Variants in TAFA5 observed in about 807,000 individuals in gnomAD.
TAFA5 encodes the protein chemokine-like protein TAFA-5.
In TAFA5, 6 loss-of-function variants were observed where a neutral mutation model predicts 15.3. That is an observed-to-expected ratio of 0.39 (90% CI 0.21 to 0.77). TAFA5 has a LOEUF of 0.77. TAFA5 is among the 30% of genes least tolerant of loss of function. The pLI is 0.41. For synonymous variants in TAFA5, 103 were observed against 80.7 expected, an observed-to-expected ratio of 1.28 and a Z score of -1.48; for missense variants, 161 against 193.1, an observed-to-expected ratio of 0.83 and a Z score of 0.98.
chr22:48,703,639 C>T (rs9617422), intron 2 of TAFA5, among the ~76,000 whole-genome samples: 22,065 of 152,290 alleles, frequency 0.14, 2,119 homozygotes, highest in African/African-American at 0.27. Flanking sequence ...GCGCCGTATC[C>T]ACCCTCAGCG....
At chr22:48,726,187 A>G (rs1296414162) in intron 3 of TAFA5, among the ~76,000 whole-genome samples, 3 of 152,202 alleles carry the variant, frequency 2.0e-5, no homozygotes, top group Non-Finnish European at 4.4e-5. Context: ...TCTCATTTCT[A>G]TTTGTTTTGT....
At chr22:48,542,294 GTGAT>G (rs903123077) in intron 1 of TAFA5, among the ~76,000 whole-genome samples, 1 of 94,228 alleles carries the variant, frequency 1.1e-5, no homozygotes, top group Non-Finnish European at 2.9e-5. Context: ...GTGTGCATGT[GTGAT>G]GTGTGTGTAG....
At chr22:48,700,456 A>G (rs78934744) in intron 2 of TAFA5, among the ~76,000 whole-genome samples, 6,880 of 152,202 alleles carry the variant, frequency 0.045, 454 homozygotes, top group African/African-American at 0.14. Flanking sequence ...GAGATCCTGA[A>G]AAAGAACGGT....
chr22:48,669,072 C>A (rs984242910), intron 2 of TAFA5, among the ~76,000 whole-genome samples: 1 of 152,218 alleles, frequency 6.6e-6, no homozygotes, highest in African/African-American at 2.4e-5. Flanking sequence ...AGACCCTCCC[C>A]ACTTCCCCGA....
At chr22:48,580,211 G>T (rs1399380379) in intron 1 of TAFA5, among the ~76,000 whole-genome samples, 3 of 152,192 alleles carry the variant, frequency 2.0e-5, no homozygotes, top group African/African-American at 7.2e-5. Context: ...TTTCGGAAAT[G>T]AGGCGTCCTC....
At position 48,561,695 on chromosome 22, in the gene TAFA5, G is replaced by A. The variant is rs76126388; in HGVS notation, c.112+71991G>A. On this transcript the variant is annotated intron_variant, in intron 1 of 3. Coordinates refer to ENST00000402357, the MANE Select transcript of TAFA5 (RefSeq NM_001082967.3). Reference sequence around the variant, plus strand: ...CTGGAGATCCGCGATGCCCATTGGGGGTCATGGGCCACTGGCACAAACAAT... The same window carrying A: ...CTGGAGATCCGCGATGCCCATTGGGAGTCATGGGCCACTGGCACAAACAAT... 7.4e-3 allele frequency among the ~76,000 whole-genome samples: 1,131 copies of A among 152,302 alleles called. 16 individuals are homozygous for A. Among genetic ancestry groups the A allele is most frequent in the African/African-American group, 0.026 (1,082 of 41,564 alleles).
At chr22:48,535,841 ACAT>A (rs1922139343) in intron 1 of TAFA5, among the ~76,000 whole-genome samples, 1 of 151,062 alleles carries the variant, frequency 6.6e-6, no homozygotes, top group African/African-American at 2.4e-5. Context: ...TGCTGCACAC[ACAT>A]CACACACGGT....
chr22:48,700,813 T>C (rs1475623248), intron 2 of TAFA5, among the ~76,000 whole-genome samples: 6 of 152,194 alleles, frequency 3.9e-5, no homozygotes, highest in Non-Finnish European at 5.9e-5. Flanking sequence ...GATCCTGTTA[T>C]AGCAAACAAG....
chr22:48,575,674 T>C (rs1164916004), intron 1 of TAFA5, among the ~76,000 whole-genome samples: 1 of 144,256 alleles, frequency 6.9e-6, no homozygotes, highest in African/African-American at 2.5e-5. Flanking sequence ...CCGGACCTAG[T>C]CCCGGCCGCG....
At chr22:48,727,603 A>G (rs765773501) in intron 3 of TAFA5, among the ~76,000 whole-genome samples, 1 of 152,242 alleles carries the variant, frequency 6.6e-6, no homozygotes, top group Non-Finnish European at 1.5e-5. Context: ...GAATGTCACT[A>G]TCAGTGAAGA....
At chr22:48,549,332 C>G (rs945905160) in intron 1 of TAFA5, among the ~76,000 whole-genome samples, 4 of 152,236 alleles carry the variant, frequency 2.6e-5, no homozygotes, top group Non-Finnish European at 4.4e-5. Context: ...ATGCCCGGAA[C>G]AATATGAGCT....
chr22:48,551,448 A>G (rs1484070761), intron 1 of TAFA5, among the ~76,000 whole-genome samples: 1 of 152,202 alleles, frequency 6.6e-6, no homozygotes, highest in Non-Finnish European at 1.5e-5. Flanking sequence ...AAAGCTTGCA[A>G]GAACTGGAGG....
At position 48,598,892 on chromosome 22, in the gene TAFA5, C is replaced by G. The variant is rs1924864130; in HGVS notation, c.113-47705C>G. Among the ~76,000 whole-genome samples the G allele has an allele frequency of 6.6e-6, 1 of 152,166 alleles. No individual in the cohort carries two copies. Among genetic ancestry groups the G allele is most frequent in the African/African-American group, 2.4e-5 (1 of 41,456 alleles). On this transcript the variant is annotated intron_variant, in intron 1 of 3. Transcript: ENST00000402357. This position sits in a 1 kb window ranked among gnomAD's most constrained non-coding sequence, Gnocchi z 4.0. ...GTCAGGGGGTTTCCACCACCCTCTCCTGGCATTCCGTCATTTGCGAGAATG... is the reference window on the plus strand; with the variant it reads ...GTCAGGGGGTTTCCACCACCCTCTCGTGGCATTCCGTCATTTGCGAGAATG...
chr22:48,709,896 T>C (rs940676897), intron 3 of TAFA5, among the ~76,000 whole-genome samples: 2 of 152,246 alleles, frequency 1.3e-5, no homozygotes, highest in Non-Finnish European at 2.9e-5. Flanking sequence ...AGGAACAGGA[T>C]TGGGTCCTTA....
intron 1 of TAFA5, among the ~76,000 whole-genome samples, chr22:48,626,286 G>A (rs1428500386): frequency 2.6e-5 from 4 of 152,174 alleles, no homozygotes; most frequent in Admixed American, 2.0e-4. Flanking sequence ...CTTCCAAAGT[G>A]GCTGCATTAT....
intron 1 of TAFA5, among the ~76,000 whole-genome samples, chr22:48,588,809 G>A (rs944503770): frequency 3.3e-5 from 5 of 152,120 alleles, no homozygotes; most frequent in African/African-American, 9.7e-5. Context: ...GGGAAGACCC[G>A]TCCCCGAGAC....
At chr22:48,741,973 T>C (rs1233580350) in intron 3 of TAFA5, among the ~76,000 whole-genome samples, 3 of 152,232 alleles carry the variant, frequency 2.0e-5, no homozygotes, top group African/African-American at 7.2e-5. Context: ...GGCTGAACTC[T>C]TGAAATTAAA....
At chr22:48,563,939 G>A (rs1479619743) in intron 1 of TAFA5, among the ~76,000 whole-genome samples, 2 of 152,220 alleles carry the variant, frequency 1.3e-5, no homozygotes, top group Non-Finnish European at 2.9e-5. Flanking sequence ...TGTCCTTCCT[G>A]AAACCGACGA....
At chr22:48,693,407 T>C (rs768521616) in intron 2 of TAFA5, 1 of 1,612,006 alleles carries the variant, frequency 6.2e-7, no homozygotes, top group Admixed American at 1.7e-5. Flanking sequence ...GTGCGCGTCA[T>C]AGTGCAGCCC....
Sources: gnomAD v4.1 joint callset for allele counts (sites outside exome capture counted in the v4.1 genomes callset) on GRCh38, gnomAD v4.1.1 for gene constraint, Gnocchi (gnomAD v3.1) non-coding constraint, MANE v1.5 for transcripts, NCBI Gene and HGNC (gene_info 2026-07-23, HGNC 2026-07-21) for gene names.